The following PRKN variants were observed in gnomAD, a reference collection of about 807,000 sequenced individuals.
The protein encoded by PRKN is E3 ubiquitin-protein ligase parkin.
A neutral mutation model predicts 59.5 loss-of-function variants in PRKN; 56 were observed. That is an observed-to-expected ratio of 0.94 (90% CI 0.76 to 1.18). The LOEUF (loss-of-function observed/expected upper bound fraction) is 1.18, where lower values mean the gene tolerates loss of function less well. Among genes scored for constraint, PRKN ranks in the 50% most tolerant of loss-of-function variants. PRKN has a pLI of 0.00. For missense variants in PRKN, 657 were observed against 596.4 expected (o/e 1.10, Z -1.06); for synonymous variants, 250 against 222.1 (o/e 1.13, Z -1.12).
chr6:161,549,136 G>C lies in PRKN; in HGVS notation c.934-133C>G. 1 of 806,492 alleles carries C rather than the reference G, an allele frequency of 1.2e-6. No individual in the cohort carries two copies. The highest frequency in any genetic ancestry group is 2.0e-6 in the Non-Finnish European group (1 of 495,314). 50.0% of individuals were successfully genotyped at this position (806,492 alleles called of 1,614,324 possible). On this transcript the variant is annotated intron_variant, in intron 8 of 11. Transcript: ENST00000366898. The surrounding 1 kb of genome is among the most constrained non-coding windows in gnomAD (Gnocchi z 6.0). ...ATAATGCATGTGTGTGTGTGTGTGT[G>C]TGTGTAGGGGGAGGGAGAGGGCCAC...
At chr6:161,883,699 G>C (rs1795028858) in intron 6 of PRKN, among the ~76,000 whole-genome samples, 2 of 151,866 alleles carry the variant, frequency 1.3e-5, no homozygotes, top group African/African-American at 4.8e-5. Flanking sequence ...GCCCAGGCCA[G>C]AGCGCAGTGG....
intron 2 of PRKN, among the ~76,000 whole-genome samples, chr6:162,292,680 G>A (rs919079477): frequency 1.3e-5 from 2 of 152,184 alleles, no homozygotes; most frequent in African/African-American, 4.8e-5. Context: ...ATGTGTGATG[G>A]GGTCTGGATG....
At chr6:161,586,414 C>T (rs1336951208) in intron 7 of PRKN, among the ~76,000 whole-genome samples, 4 of 152,206 alleles carry the variant, frequency 2.6e-5, no homozygotes, top group South Asian at 2.1e-4. Flanking sequence ...TTCTTGCTCA[C>T]GTTTACTCCA....
chr6:161,935,798 G>A (rs1779335423), intron 6 of PRKN, among the ~76,000 whole-genome samples: 1 of 152,260 alleles, frequency 6.6e-6, no homozygotes, highest in East Asian at 1.9e-4. Context: ...GAGGAAGCCT[G>A]CAGCAATAGA....
intron 1 of PRKN, among the ~76,000 whole-genome samples, chr6:162,646,270 GT>G (rs5881488): frequency 0.55 from 82,064 of 149,562 alleles, 23,377 homozygotes; most frequent in African/African-American, 0.69. Flanking sequence ...AAAATACAAA[GT>G]TTTTTTTTTT....
chr6:162,071,769 A>G (rs2128290874), intron 4 of PRKN, among the ~76,000 whole-genome samples: 1 of 151,620 alleles, frequency 6.6e-6, no homozygotes, highest in African/African-American at 2.4e-5. Flanking sequence ...TAATTTTTGT[A>G]TTTTTTCAGT....
At chr6:162,081,481 G>T (rs923577914) in intron 4 of PRKN, among the ~76,000 whole-genome samples, 4 of 152,056 alleles carry the variant, frequency 2.6e-5, no homozygotes, top group Admixed American at 6.6e-5. Flanking sequence ...AGGTGCACTG[G>T]CATTGAGAAG....
intron 9 of PRKN, among the ~76,000 whole-genome samples, chr6:161,486,655 CA>C (rs1190116692): frequency 6.6e-6 from 1 of 152,184 alleles, no homozygotes; most frequent in Non-Finnish European, 1.5e-5. Flanking sequence ...GAGCAAAAAG[CA>C]AAACCTTAGG....
Position 161,904,041 on chromosome 6 carries a change from C to A in PRKN, c.734+69261G>T, listed in dbSNP as rs377606304. Among the ~76,000 whole-genome samples the A allele has an allele frequency of 4.6e-5, 7 of 151,876 alleles. No homozygotes were observed. In the East Asian group the frequency reaches 9.7e-4, roughly 21 times the overall value. On this transcript the variant is annotated intron_variant, in intron 6 of 11. Transcript: ENST00000366898. ...CAGGGTTGGCCCAGGCAGACACACC[C>A]CATGGAATGATGAGGAAATGACAAC...
chr6:162,671,675 A>G (rs1195339709), intron 1 of PRKN, among the ~76,000 whole-genome samples: 1 of 152,074 alleles, frequency 6.6e-6, no homozygotes, highest in Non-Finnish European at 1.5e-5. Context: ...TATTTACTGA[A>G]TATCTGCTGT....
chr6:162,673,227 C>A (rs980218838), intron 1 of PRKN, among the ~76,000 whole-genome samples: 5 of 152,116 alleles, frequency 3.3e-5, no homozygotes, highest in African/African-American at 1.2e-4. Context: ...TGAGGTGCTT[C>A]GAGGCAGAAA....
chr6:161,630,638 T>C (rs759966758), intron 7 of PRKN, among the ~76,000 whole-genome samples: 1 of 152,190 alleles, frequency 6.6e-6, no homozygotes, highest in Non-Finnish European at 1.5e-5. Context: ...AAATTCATCA[T>C]CTTTAAGTTA....
chr6:161,715,486 T>C (rs1786935786), intron 7 of PRKN, among the ~76,000 whole-genome samples: 1 of 152,194 alleles, frequency 6.6e-6, no homozygotes, highest in Admixed American at 6.5e-5. Context: ...GACAAATATA[T>C]GTGTTCATTA....
intron 9 of PRKN, among the ~76,000 whole-genome samples, chr6:161,412,020 TTCAC>T (rs1056648130): frequency 4.8e-5 from 7 of 146,420 alleles, no homozygotes; most frequent in African/African-American, 1.5e-4. Context: ...CACTCATTCA[TTCAC>T]TCATTCATTC....
intron 2 of PRKN, among the ~76,000 whole-genome samples, chr6:162,435,048 T>C (rs9365432): frequency 0.078 from 11,896 of 152,272 alleles, 484 homozygotes; most frequent in South Asian, 0.13. Context: ...AATTGGATGA[T>C]GGAATCTTAG....
At chr6:162,380,485 A>ATG (rs1786407025) in intron 2 of PRKN, among the ~76,000 whole-genome samples, 3 of 38,660 alleles carry the variant, frequency 7.8e-5, no homozygotes, top group African/African-American at 3.5e-4. Context: ...ATATATATGT[A>ATG]TATATACACA....
Position 161,940,725 on chromosome 6 carries a change from A to G in PRKN, c.734+32577T>C, listed in dbSNP as rs556467869. The stretch of plus-strand genomic sequence containing the variant: ...CCTGAAAAAGAAGAGCCGGAAAGTG[A>G]CTGTTCAGAAATCAGAATGTCTATG... On this transcript the variant is annotated intron_variant, in intron 6 of 11. Coordinates refer to ENST00000366898, the MANE Select transcript of PRKN (RefSeq NM_004562.3). Among the ~76,000 whole-genome samples, 10 of 152,312 alleles carry G rather than the reference A, an allele frequency of 6.6e-5. No individual in the cohort carries two copies. The South Asian group carries it at 2.1e-3, about 32-fold the overall frequency.
intron 4 of PRKN, among the ~76,000 whole-genome samples, chr6:162,065,365 C>T (rs1247983618): frequency 6.6e-6 from 1 of 152,072 alleles, no homozygotes; most frequent in Non-Finnish European, 1.5e-5. Context: ...AAGATGGAAG[C>T]CAGAAGACTC....
At chr6:161,516,689 T>G (rs1778613695) in intron 9 of PRKN, among the ~76,000 whole-genome samples, 1 of 150,352 alleles carries the variant, frequency 6.7e-6, no homozygotes, top group Non-Finnish European at 1.5e-5. Context: ...TAGCCAGGCA[T>G]GGTGTCGCAT....
Sources: allele counts gnomAD v4.1 joint callset (sites outside exome capture counted in the v4.1 genomes callset), GRCh38; gene constraint gnomAD v4.1.1; non-coding constraint Gnocchi (gnomAD v3.1); transcripts MANE v1.5; gene names NCBI Gene and HGNC (gene_info 2026-07-23, HGNC 2026-07-21).